PCDHA1: variants seen among roughly 807,000 people sequenced by gnomAD.
The protein encoded by PCDHA1 is protocadherin alpha 1.
PCDHA1 carries 42 observed loss-of-function variants against 61.3 expected under a neutral mutation model. That is an observed-to-expected ratio of 0.69 (90% CI 0.54 to 0.89). The LOEUF (loss-of-function observed/expected upper bound fraction) is 0.89. Among genes scored for constraint, PCDHA1 ranks in the 40% least tolerant of loss-of-function variants. The probability of loss-of-function intolerance (pLI) is 0.00; values close to 1 mark genes in which losing one functional copy is unlikely to be tolerated. For synonymous variants in PCDHA1, 610 were observed against 553.8 expected (o/e 1.10, Z -1.43); for missense variants, 1,256 against 1,235.3 (o/e 1.02, Z -0.25).
chr5:140,801,659 A>G (rs1554121613), intron 1 of PCDHA1: 3 of 1,614,072 alleles, frequency 1.9e-6, no homozygotes, highest in African/African-American at 1.3e-5. Context: ...GGTTTTCGCT[A>G]GAGGGCGCAT....
At chr5:140,980,730 A>G (rs1227353445) in intron 2 of PCDHA1, among the ~76,000 whole-genome samples, 2 of 152,176 alleles carry the variant, frequency 1.3e-5, no homozygotes, top group Non-Finnish European at 2.9e-5. Context: ...CAATTAAGAT[A>G]TTATGAGATT....
intron 1 of PCDHA1, among the ~76,000 whole-genome samples, chr5:140,941,270 T>C (rs1437273239): frequency 1.2e-4 from 17 of 136,774 alleles, no homozygotes; most frequent in Admixed American, 2.3e-4. Flanking sequence ...TCTTTCTTTC[T>C]TTCCTTCCTT....
intron 1 of PCDHA1, among the ~76,000 whole-genome samples, chr5:140,799,585 T>C (rs1404087746): frequency 3.3e-5 from 5 of 152,070 alleles, no homozygotes; most frequent in Non-Finnish European, 4.4e-5. Context: ...TATTAACAAA[T>C]ATCATTAACT....
At chr5:140,876,556 G>A (rs369915148) in intron 1 of PCDHA1, 10 of 1,614,204 alleles carry the variant, frequency 6.2e-6, no homozygotes, top group Non-Finnish European at 8.5e-6. Flanking sequence ...TGTGCAAGAG[G>A]ATGCTCAGGT....
chr5:141,011,553 G>T lies in PCDHA1; in HGVS notation c.*1616G>T, dbSNP rs1191049531. The T allele has an allele frequency of 6.5e-6, 1 of 153,640 alleles. No homozygotes were observed. The highest frequency in any genetic ancestry group is 1.5e-5 in the Non-Finnish European group (1 of 68,008). The allele number at this position is 153,640 out of a possible 1,614,324, so 9.5% of individuals were successfully genotyped here. Reference sequence around the variant, plus strand: ...TGTTAATCAGCTTTTGTGTATGAAAGACACAGTAAAATTTCTTTCTTAAAT... The same window carrying T: ...TGTTAATCAGCTTTTGTGTATGAAATACACAGTAAAATTTCTTTCTTAAAT... On this transcript the variant is annotated 3_prime_UTR_variant, in exon 4 of 4. Transcript: ENST00000504120.
intron 1 of PCDHA1, chr5:140,877,954 T>C: frequency 7.5e-7 from 1 of 1,334,236 alleles, no homozygotes; most frequent in Non-Finnish European, 9.8e-7. Context: ...ATCGAATGTC[T>C]CATCTTTCTT....
chr5:140,809,106 C>T (rs540996422), intron 1 of PCDHA1: 54 of 1,613,952 alleles, frequency 3.3e-5, no homozygotes, highest in Admixed American at 6.7e-5. Context: ...CTGGACGAAA[C>T]GGACGCTCCG....
intron 1 of PCDHA1, chr5:140,876,391 G>T: frequency 6.2e-7 from 1 of 1,613,920 alleles, no homozygotes; most frequent in South Asian, 1.1e-5. Context: ...AATTTATGGT[G>T]AACTGGATTT....
chr5:140,904,162 A>G (rs1554191325), intron 1 of PCDHA1, among the ~76,000 whole-genome samples: 1 of 152,028 alleles, frequency 6.6e-6, no homozygotes, highest in Non-Finnish European at 1.5e-5. Context: ...CCCAGTTTGT[A>G]GTCTTTTATT....
chr5:140,966,575 A>C (rs2096022921), intron 1 of PCDHA1: 1 of 520,380 alleles, frequency 1.9e-6, no homozygotes, highest in Non-Finnish European at 3.2e-6. Context: ...ATGGGGAGTC[A>C]GCGAGGACGG....
chr5:140,877,074 G>A (rs1554169286), intron 1 of PCDHA1: 1 of 1,613,132 alleles, frequency 6.2e-7, no homozygotes, highest in Non-Finnish European at 8.5e-7. Flanking sequence ...TGCAGTTCCA[G>A]GTGAGCGCGC....
chr5:140,866,796 G>T (rs1360079320), intron 1 of PCDHA1: 1 of 152,128 alleles, frequency 6.6e-6, no homozygotes, highest in African/African-American at 2.4e-5. Flanking sequence ...TATAGTAAAA[G>T]TCAGGCACAA....
intron 1 of PCDHA1, chr5:140,883,585 C>G: frequency 6.2e-7 from 1 of 1,614,028 alleles, no homozygotes; most frequent in Non-Finnish European, 8.5e-7. Flanking sequence ...GGGCCACGGC[C>G]AGCGTGTCGG....
chr5:140,793,722 G>A (rs73278773), intron 1 of PCDHA1, among the ~76,000 whole-genome samples: 8,166 of 151,728 alleles, frequency 0.054, 721 homozygotes, highest in African/African-American at 0.19. Context: ...TACTGTGAAG[G>A]GATCAGCTAA....
At chr5:140,877,578 C>A (rs782777600) in intron 1 of PCDHA1, 6 of 1,613,700 alleles carry the variant, frequency 3.7e-6, no homozygotes, top group East Asian at 2.2e-5. Flanking sequence ...ACCTCATCAT[C>A]GCCATCTGTG....
In PCDHA1 at chr5:140,982,326, G is replaced by T. The variant is rs1369721700; in HGVS notation, c.2454-149G>T. 1.6e-5 allele frequency: 22 copies of T among 1,411,958 alleles called. No homozygotes were observed. In the Admixed American group the frequency reaches 3.0e-4, roughly 20 times the overall value. The allele number at this position is 1,411,958 out of a possible 1,614,324, so 87.5% of individuals were successfully genotyped here. On this transcript the variant is annotated intron_variant, in intron 2 of 3. Transcript: ENST00000504120. ...CTTCTGCAGTTTATGCAGGGTGACTGCTCAGCAGTAATTGCTTCAGTTCAA... is the reference window on the plus strand; with the variant it reads ...CTTCTGCAGTTTATGCAGGGTGACTTCTCAGCAGTAATTGCTTCAGTTCAA...
intron 1 of PCDHA1, chr5:140,855,925 C>G (rs1161071214): frequency 2.4e-6 from 3 of 1,240,504 alleles, no homozygotes; most frequent in Non-Finnish European, 3.4e-6. Flanking sequence ...TAGGAAGTAG[C>G]GTCATTCTGA....
At chr5:140,882,675 G>A in intron 1 of PCDHA1, 1 of 1,614,218 alleles carries the variant, frequency 6.2e-7, no homozygotes, top group Non-Finnish European at 8.5e-7. Context: ...TTCCCTGAAA[G>A]CAAGAAACGA....
chr5:140,843,708 G>T (rs2150365442), intron 1 of PCDHA1: 8 of 1,577,200 alleles, frequency 5.1e-6, no homozygotes, highest in African/African-American at 1.3e-5. Context: ...GTTGATCATG[G>T]CCTCAAAGTA....
Sources: allele counts gnomAD v4.1 joint callset (sites outside exome capture counted in the v4.1 genomes callset), GRCh38; gene constraint gnomAD v4.1.1; transcripts MANE v1.5; gene names NCBI Gene and HGNC (gene_info 2026-07-23, HGNC 2026-07-21).